The following ADGRV1 variants were observed in gnomAD, a reference collection of about 807,000 sequenced individuals.
ADGRV1 encodes adhesion G protein-coupled receptor V1, also known as G-protein coupled receptor 98.
Under a neutral mutation model 596.2 loss-of-function variants are expected in ADGRV1, and 359 were observed. The ratio of observed to expected loss-of-function variants is 0.60; its 90% CI spans 0.55 to 0.66. ADGRV1 has a LOEUF of 0.66. ADGRV1 is among the 30% of genes least tolerant of loss of function. ADGRV1 has a pLI of 0.00. For missense variants in ADGRV1, 7,274 were observed against 7,575.6 expected (o/e 0.96, Z 1.48); for synonymous variants, 2,681 against 2,679.2 (o/e 1.00, Z -0.02).
At chr5:91,007,500 G>A (rs1782374854) in intron 85 of ADGRV1, among the ~76,000 whole-genome samples, 1 of 152,026 alleles carries the variant, frequency 6.6e-6, no homozygotes, top group Non-Finnish European at 1.5e-5. Context: ...ATTTTGAAAG[G>A]TTACTGGTGA....
At chr5:90,820,326 G>C (rs1395967746) in intron 75 of ADGRV1, among the ~76,000 whole-genome samples, 2 of 143,462 alleles carry the variant, frequency 1.4e-5, no homozygotes, top group South Asian at 2.4e-4. Flanking sequence ...ACGTGAGATG[G>C]GTTTCCTGAA....
chr5:90,839,194 CTGTTTTTTGTTTT>C (rs954607141), intron 77 of ADGRV1, among the ~76,000 whole-genome samples: 4 of 151,996 alleles, frequency 2.6e-5, no homozygotes, highest in African/African-American at 7.2e-5. Context: ...ATCTACCTCT[CTGTTTTTTGTTTT>C]TGTTTTTTGT....
chr5:90,915,692 G>C (rs1237661250), intron 83 of ADGRV1, among the ~76,000 whole-genome samples: 1 of 152,162 alleles, frequency 6.6e-6, no homozygotes, highest in Non-Finnish European at 1.5e-5. Flanking sequence ...GCTGACCTAT[G>C]ATGGGAAGAC....
intron 85 of ADGRV1, among the ~76,000 whole-genome samples, chr5:90,992,609 G>T (rs573025362): frequency 6.6e-6 from 1 of 152,340 alleles, no homozygotes; most frequent in South Asian, 2.1e-4. Context: ...CCGTGAGAAA[G>T]AACACACTTT....
intron 52 of ADGRV1, among the ~76,000 whole-genome samples, chr5:90,746,679 G>A (rs1157580264): frequency 6.6e-6 from 1 of 152,120 alleles, no homozygotes; most frequent in Non-Finnish European, 1.5e-5. Flanking sequence ...AGGTTACTAT[G>A]TTCTGCTCAT....
At chr5:90,681,840 CCCTT>C (rs1001261215) in intron 27 of ADGRV1, among the ~76,000 whole-genome samples, 2 of 142,990 alleles carry the variant, frequency 1.4e-5, no homozygotes, top group African/African-American at 5.4e-5. Context: ...GTCCCTCCCT[CCCTT>C]CCTTCTTTCC....
chr5:90,853,231 A>G (rs1561850495), intron 79 of ADGRV1, 53 bp from the exon 80 acceptor site: 1 of 1,508,496 alleles, frequency 6.6e-7, no homozygotes, highest in South Asian at 1.3e-5. Flanking sequence ...ATAAGTGGAT[A>G]TATGTATTCA....
rs776978539 is a variant in ADGRV1, at chr5:90,625,171, A to G, written c.600A>G (p.Pro200=). 6 of 1,613,528 alleles carry G rather than the reference A, an allele frequency of 3.7e-6. No homozygotes were observed. The highest frequency in any genetic ancestry group is 4.2e-6 in the Non-Finnish European group (5 of 1,179,636). ...GPNPPDEDLS[P]VKGNITFPPG... ...ATCCCCCTGATGAAGATTTGAGTCC[A>G]GTTAAAGGAAATATCACCTTTCCCC... Residue 200 remains proline, a synonymous_variant, in exon 6 of 90, where the codon CCA becomes CCG. Coordinates refer to ENST00000405460, the MANE Select transcript of ADGRV1 (RefSeq NM_032119.4).
chr5:90,986,103 A>G (rs1562047869), intron 85 of ADGRV1, among the ~76,000 whole-genome samples: 1 of 139,694 alleles, frequency 7.2e-6, no homozygotes, highest in Non-Finnish European at 1.6e-5. Context: ...ATATATATAT[A>G]TATTATGCAT....
At chr5:90,616,736 CT>C (rs1465286611) in intron 2 of ADGRV1, among the ~76,000 whole-genome samples, 1 of 152,154 alleles carries the variant, frequency 6.6e-6, no homozygotes, top group African/African-American at 2.4e-5. Flanking sequence ...AAACATTAAT[CT>C]TTTCTTTGTG....
intron 83 of ADGRV1, among the ~76,000 whole-genome samples, chr5:90,953,218 T>A (rs4916832): frequency 0.2 from 29,849 of 152,056 alleles, 3,294 homozygotes; most frequent in East Asian, 0.42. Flanking sequence ...TGAGGTCAGG[T>A]AAGCCCAATG....
chr5:90,829,132 G>T lies in ADGRV1; in HGVS notation c.16557G>T (p.Gln5519His). The T allele has an allele frequency of 6.2e-7, 1 of 1,604,436 alleles. No individual in the cohort carries two copies. The highest frequency in any genetic ancestry group is 8.5e-7 in the Non-Finnish European group (1 of 1,173,702). ...AHKKATLISL[Q>H]VARDSGTGLM... ...AGAAGGCCACTTTAATCAGTCTGCA[G>T]GTGGCCAGAGATTCTGGGACAGGAC... Residue 5519 changes from glutamine to histidine, a missense_variant, in exon 77 of 90, where the codon CAG becomes CAT. Gln to His is a conservative substitution (Grantham distance 24). This residue lies in a region of ADGRV1 where 1,874 missense variants were observed against 1,970.2 expected (regional missense o/e 0.95). Coordinates refer to ENST00000405460, the MANE Select transcript of ADGRV1 (RefSeq NM_032119.4).
chr5:90,714,684 T>C (rs1320069994), intron 42 of ADGRV1, among the ~76,000 whole-genome samples: 2 of 152,098 alleles, frequency 1.3e-5, no homozygotes, highest in African/African-American at 4.8e-5. Context: ...AATAATACCC[T>C]CATATCGTAC....
chr5:91,064,050 T>A (rs1787676666), intron 85 of ADGRV1, among the ~76,000 whole-genome samples: 1 of 152,190 alleles, frequency 6.6e-6, no homozygotes, highest in African/African-American at 2.4e-5. Context: ...TATTTAAATG[T>A]TGATTGGATT....
intron 42 of ADGRV1, among the ~76,000 whole-genome samples, chr5:90,715,245 A>G (rs1749931518): frequency 6.6e-6 from 1 of 152,188 alleles, no homozygotes; most frequent in Non-Finnish European, 1.5e-5. Flanking sequence ...CTGATAGATG[A>G]TGTCCTAATG....
intron 37 of ADGRV1, 68 bp downstream of exon 37, chr5:90,705,647 G>A: frequency 8.1e-7 from 1 of 1,241,734 alleles, no homozygotes; most frequent in South Asian, 1.5e-5. Context: ...TTGTGTGGAT[G>A]AAAGCCATTG....
At chr5:90,680,110 G>A (rs377511381) in intron 26 of ADGRV1, among the ~76,000 whole-genome samples, 1 of 152,132 alleles carries the variant, frequency 6.6e-6, no homozygotes, top group African/African-American at 2.4e-5. Context: ...AGCACTCTGG[G>A]AGACCGAGGC....
intron 85 of ADGRV1, among the ~76,000 whole-genome samples, chr5:91,039,844 A>T (rs1023431783): frequency 6.6e-6 from 1 of 152,144 alleles, no homozygotes; most frequent in African/African-American, 2.4e-5. Flanking sequence ...GAAAACAAAG[A>T]TGTACAAGGA....
chr5:90,848,745 A>G lies in ADGRV1; in HGVS notation c.17128A>G (p.Ser5710Gly), dbSNP rs755338566. ...NPKRKDTRGF[S>G]HFAEVTENFA... ...AAAGCGCAAGGACACTAGGGGATTC[A>G]GTCACTTTGCTGAAGTGACTGAGAA... The change falls in exon 79 of 90, where the codon AGT becomes GGT. Residue 5710 changes from serine (S) to glycine (G), a missense_variant. By Grantham distance (56) the Ser-to-Gly change is moderately conservative. Transcript: ENST00000405460. 27 of 1,593,982 alleles carry G rather than the reference A, an allele frequency of 1.7e-5. No individual in the cohort carries two copies. Among genetic ancestry groups the G allele is most frequent in the Non-Finnish European group, 2.1e-5 (25 of 1,172,190 alleles).
Sources: gnomAD v4.1 joint callset for allele counts (sites outside exome capture counted in the v4.1 genomes callset) on GRCh38, gnomAD v4.1.1 for gene constraint, gnomAD v4.1.1 regional missense constraint, MANE v1.5 for transcripts, NCBI Gene and HGNC (gene_info 2026-07-23, HGNC 2026-07-21) for gene names.